WDFY4: variants seen among roughly 807,000 people sequenced by gnomAD.
The protein encoded by WDFY4 is WD repeat- and FYVE domain-containing protein 4.
A neutral mutation model predicts 351.9 loss-of-function variants in WDFY4; 169 were observed. The ratio of observed to expected loss-of-function variants is 0.48; its 90% CI spans 0.42 to 0.55. The LOEUF is 0.55. Among genes scored for constraint, WDFY4 ranks in the 20% least tolerant of loss-of-function variants. The pLI is 0.00. For missense variants in WDFY4, 3,803 were observed against 3,935.6 expected, an observed-to-expected ratio of 0.97 and a Z score of 0.90; for synonymous variants, 1,622 against 1,574.6, an observed-to-expected ratio of 1.03 and a Z score of -0.71.
Position 48,982,676 on chromosome 10 carries a change from C to T in WDFY4, c.*101C>T. Reference sequence around the variant, plus strand: ...TGCCTACAGAAGAAACCCCCAGGGCCTCCTTCCCCACAGTTCTCAAGGAAG... The same window carrying T: ...TGCCTACAGAAGAAACCCCCAGGGCTTCCTTCCCCACAGTTCTCAAGGAAG... On this transcript the variant is annotated 3_prime_UTR_variant, in exon 62 of 62. Transcript: ENST00000325239. 8.2e-7 allele frequency: 1 copy of T among 1,215,642 alleles called. No individual in the cohort carries two copies. The highest frequency in any genetic ancestry group is 1.5e-5 in the African/African-American group (1 of 66,120). 75.3% of individuals were successfully genotyped at this position (1,215,642 alleles called of 1,614,324 possible).
intron 11 of WDFY4, 91 bp downstream of exon 11, chr10:48,736,161 A>T: frequency 6.9e-7 from 1 of 1,456,490 alleles, no homozygotes. Flanking sequence ...CATGTAATTC[A>T]GTTAGCCACT....
At chr10:48,771,401 C>G (rs1011577661) in intron 13 of WDFY4, among the ~76,000 whole-genome samples, 7 of 152,186 alleles carry the variant, frequency 4.6e-5, no homozygotes, top group Non-Finnish European at 8.8e-5. Context: ...TTGGCAATTT[C>G]CATCTCTGGG....
intron 47 of WDFY4, chr10:48,910,876 G>A (rs552728428): frequency 1.0e-6 from 1 of 983,456 alleles, no homozygotes; most frequent in East Asian, 1.1e-4. Flanking sequence ...CAAACCCTGG[G>A]CACCAGGTGG....
At chr10:48,696,718 T>G (rs1359553378) in intron 1 of WDFY4, among the ~76,000 whole-genome samples, 2 of 152,346 alleles carry the variant, frequency 1.3e-5, no homozygotes, top group East Asian at 3.9e-4. Context: ...AAAGGCCATG[T>G]GGGCTGAAGC....
chr10:48,953,758 A>C (rs1450162748), intron 51 of WDFY4, among the ~76,000 whole-genome samples: 1 of 152,202 alleles, frequency 6.6e-6, no homozygotes, highest in Non-Finnish European at 1.5e-5. Context: ...TATATTATAG[A>C]AATATCTGTG....
chr10:48,759,920 A>C (rs1360429542), intron 12 of WDFY4, among the ~76,000 whole-genome samples: 1 of 152,094 alleles, frequency 6.6e-6, no homozygotes, highest in Admixed American at 6.6e-5. Flanking sequence ...TTCGGTATTC[A>C]GGGGGTGGGA....
chr10:48,791,041 G>A (rs1393029653), intron 23 of WDFY4, 124 bp downstream of exon 23: 26 of 1,244,564 alleles, frequency 2.1e-5, no homozygotes, highest in Middle Eastern at 3.9e-4. Context: ...AAGGGCAGCC[G>A]AAAGCCCTTG....
chr10:48,857,930 T>A (rs1326415264), intron 39 of WDFY4, among the ~76,000 whole-genome samples: 1 of 152,170 alleles, frequency 6.6e-6, no homozygotes, highest in Non-Finnish European at 1.5e-5. Context: ...TAGCTGGGAT[T>A]ACTGGCACCT....
chr10:48,740,191 G>C (rs1381671899), intron 11 of WDFY4, among the ~76,000 whole-genome samples: 3 of 152,160 alleles, frequency 2.0e-5, no homozygotes, highest in Non-Finnish European at 4.4e-5. Context: ...GATTTCCTTT[G>C]TGACGGATTG....
chr10:48,974,343 A>AAATAAAAAAC (rs966311886), intron 57 of WDFY4, among the ~76,000 whole-genome samples: 3 of 151,820 alleles, frequency 2.0e-5, no homozygotes, highest in Admixed American at 6.6e-5. Flanking sequence ...TCTCCACTAA[A>AAATAAAAAAC]AATAAAAAAC....
chr10:48,856,387 AT>A (rs376586325), intron 39 of WDFY4, among the ~76,000 whole-genome samples: 230 of 152,298 alleles, frequency 1.5e-3, no homozygotes, highest in Middle Eastern at 0.01. Flanking sequence ...CAAGAAAAAT[AT>A]CCAGTTATCT....
chr10:48,712,218 T>C (rs2063785544), intron 2 of WDFY4, among the ~76,000 whole-genome samples: 1 of 152,208 alleles, frequency 6.6e-6, no homozygotes, highest in Non-Finnish European at 1.5e-5. Flanking sequence ...TTGCTGAACC[T>C]CAGTTATCCA....
At chr10:48,711,937 G>A (rs999874952) in intron 2 of WDFY4, among the ~76,000 whole-genome samples, 4 of 152,194 alleles carry the variant, frequency 2.6e-5, no homozygotes, top group Non-Finnish European at 4.4e-5. Flanking sequence ...GCTAACCTCG[G>A]AGCTCACTCC....
chr10:48,943,102 GT>G (rs752599621), intron 48 of WDFY4, among the ~76,000 whole-genome samples: 3,419 of 147,158 alleles, frequency 0.023, 111 homozygotes, highest in African/African-American at 0.075. Flanking sequence ...ACTGCATTGG[GT>G]TTTTTTTTTT....
chr10:48,699,587 C>T (rs1422510667), intron 1 of WDFY4, among the ~76,000 whole-genome samples: 2 of 152,156 alleles, frequency 1.3e-5, no homozygotes, highest in Non-Finnish European at 2.9e-5. Context: ...CTCCCAGCCT[C>T]AGTTTCCTCA....
rs1018724001 is a variant in WDFY4, at chr10:48,721,191, G to A, written c.350-70G>A. The A allele has an allele frequency of 7.0e-6, 10 of 1,430,434 alleles. No homozygotes were observed. The African/African-American group carries it at 9.9e-5, about 14-fold the overall frequency. 88.6% of individuals were successfully genotyped at this position (1,430,434 alleles called of 1,614,324 possible). A position where few individuals can be genotyped will look rare whatever the true frequency, so the allele number is the denominator to read the frequency against. On this transcript the variant is annotated intron_variant, in intron 3 of 61. Transcript: ENST00000325239. The stretch of plus-strand genomic sequence containing the variant: ...GCTCAGGCACATCTCCTGGGAAGAG[G>A]GGGCCCTGGATGGAGGGGAAGCTGA...
intron 12 of WDFY4, 61 bp downstream of exon 12, chr10:48,743,609 C>T (rs2064923710): frequency 2.7e-6 from 4 of 1,477,896 alleles, no homozygotes; most frequent in Non-Finnish European, 3.6e-6. Flanking sequence ...ACTCTAACGT[C>T]TTGCGCATGT....
intron 19 of WDFY4, among the ~76,000 whole-genome samples, chr10:48,782,712 A>G (rs1458987365): frequency 1.3e-5 from 2 of 152,242 alleles, no homozygotes; most frequent in Admixed American, 6.5e-5. Flanking sequence ...GCTTAATTTG[A>G]CTAGTTTAAC....
chr10:48,913,521 C>A, intron 47 of WDFY4: 1 of 1,613,862 alleles, frequency 6.2e-7, no homozygotes, highest in Non-Finnish European at 8.5e-7. Flanking sequence ...TTGGCATTTT[C>A]TCAGGCAAGC....
Sources: allele counts gnomAD v4.1 joint callset (sites outside exome capture counted in the v4.1 genomes callset), GRCh38; gene constraint gnomAD v4.1.1; transcripts MANE v1.5; gene names NCBI Gene and HGNC (gene_info 2026-07-23, HGNC 2026-07-21).